The following SLC4A1AP variants were observed in gnomAD, a reference collection of about 807,000 sequenced individuals.
SLC4A1AP encodes the protein kanadaptin.
In SLC4A1AP, 64 loss-of-function variants were observed where a neutral mutation model predicts 89.7. The observed-to-expected ratio is 0.71, with a 90% CI of 0.58 to 0.88. The LOEUF (loss-of-function observed/expected upper bound fraction) is 0.88. SLC4A1AP is among the 40% of genes least tolerant of loss of function. The pLI, the probability that SLC4A1AP is intolerant of heterozygous loss-of-function variation, is 0.00. For synonymous variants in SLC4A1AP, 366 were observed against 353.3 expected, an observed-to-expected ratio of 1.04 and a Z score of -0.40; for missense variants, 931 against 965.0, an observed-to-expected ratio of 0.96 and a Z score of 0.47.
chr2:27,688,885 C>T, intron 12 of SLC4A1AP, 118 bp downstream of exon 12: 1 of 638,176 alleles, frequency 1.6e-6, no homozygotes, highest in East Asian at 3.0e-5. Context: ...TTCCCCTCTC[C>T]TAGAAATCTA....
chr2:27,689,683 C>T (rs1364796060), intron 12 of SLC4A1AP, among the ~76,000 whole-genome samples: 1 of 152,178 alleles, frequency 6.6e-6, no homozygotes, highest in African/African-American at 2.4e-5. Flanking sequence ...TTCAGACTTC[C>T]AGAAGGAAAG....
rs144862933 is a variant in SLC4A1AP, at chr2:27,677,133, A to G, written c.1507-162A>G. The stretch of plus-strand genomic sequence containing the variant: ...TACCCTGGCAACAGAATGAGGCTCT[A>G]TCTCAAAACAAAAAAAAAAGTGTTA... On this transcript the variant is annotated intron_variant, in intron 6 of 13. Coordinates refer to ENST00000613058, the Ensembl canonical transcript of SLC4A1AP. Among the ~76,000 whole-genome samples the G allele has an allele frequency of 5.5e-3, 843 of 152,214 alleles. 4 individuals are homozygous for G. Among genetic ancestry groups the G allele is most frequent in the Admixed American group, 6.8e-3 (104 of 15,286 alleles).
chr2:27,675,843 T>C, intron 6 of SLC4A1AP, 151 bp downstream of exon 6: 2 of 506,746 alleles, frequency 3.9e-6, no homozygotes, highest in Non-Finnish European at 6.4e-6. Context: ...GTTAATTTAA[T>C]GGTAACAGAC....
exon 1 of SLC4A1AP, chr2:27,663,955 A>C: frequency 6.2e-7 from 1 of 1,614,224 alleles, no homozygotes. Context: ...CTGGCGTCGC[A>C]AGACCTCAGT....
chr2:27,668,306 G>A (rs1317517706), intron 3 of SLC4A1AP, among the ~76,000 whole-genome samples: 1 of 151,966 alleles, frequency 6.6e-6, no homozygotes, highest in African/African-American at 2.4e-5. Flanking sequence ...CCGCCACCAC[G>A]CCCGGCTAAT....
In SLC4A1AP at chr2:27,677,860, G is replaced by C. The variant is rs927866076; in HGVS notation, c.1699G>C (p.Glu567Gln). The stretch of plus-strand genomic sequence containing the variant: ...CCTGAGAACTTTTGAACTGAGGAAA[G>C]AACAACAGAGACTTAAAGGGTTAAT... Residue 567 changes from glutamate (E) to glutamine (Q), a missense_variant, in exon 8 of 14, where the codon GAA becomes CAA. Transcript: ENST00000613058. 11 of 1,613,390 alleles carry C rather than the reference G, an allele frequency of 6.8e-6. No homozygotes were observed. Among genetic ancestry groups the C allele is most frequent in the Middle Eastern group, 1.6e-4 (1 of 6,080 alleles).
At chr2:27,677,054 G>A (rs923810574) in intron 6 of SLC4A1AP, among the ~76,000 whole-genome samples, 5 of 151,860 alleles carry the variant, frequency 3.3e-5, no homozygotes, top group Non-Finnish European at 5.9e-5. Context: ...CAGGAGAATC[G>A]CTTGAACCCG....
intron 2 of SLC4A1AP, among the ~76,000 whole-genome samples, chr2:27,666,395 G>A (rs1371930779): frequency 2.2e-5 from 1 of 46,242 alleles, no homozygotes; most frequent in Non-Finnish European, 4.5e-5. Context: ...GCCTCCCAAA[G>A]TGTAGAGATT....
At chr2:27,676,146 A>G (rs1675517698) in intron 6 of SLC4A1AP, among the ~76,000 whole-genome samples, 1 of 152,222 alleles carries the variant, frequency 6.6e-6, no homozygotes, top group Admixed American at 6.5e-5. Flanking sequence ...AACAGACAAT[A>G]ATAGGCAGGT....
chr2:27,668,867 A>T, exon 4 of SLC4A1AP: 1 of 1,614,138 alleles, frequency 6.2e-7, no homozygotes, highest in Non-Finnish European at 8.5e-7. Flanking sequence ...TATGAATTTG[A>T]TGAACAGGGA....
At position 27,685,018 on chromosome 2, in the gene SLC4A1AP, G is replaced by A. The variant is rs376138118; in HGVS notation, c.1876-19G>A. ...TCATTAAGTAGAACTACTTGTTCAT[G>A]GTTTTGTTTCCCTCTTAGAAGTTAC... On this transcript the variant is annotated intron_variant, in intron 9 of 13. Transcript: ENST00000613058. 209 of 1,571,266 alleles carry A rather than the reference G, an allele frequency of 1.3e-4. No individual in the cohort carries two copies. The highest frequency in any genetic ancestry group is 1.7e-4 in the Non-Finnish European group (203 of 1,162,990).
rs201690075 is a variant in SLC4A1AP at position 27,693,778 on chromosome 2, C to G, written c.2341+24C>G. 4,672 of 1,557,398 alleles carry G rather than the reference C, an allele frequency of 3.0e-3. 16 individuals carry two copies. Among genetic ancestry groups the G allele is most frequent in the South Asian group, 9.8e-3 (846 of 86,336 alleles). Reference sequence around the variant, plus strand: ...AGGTAGATTGTTTTTACTTTTTTTTCCTCTAAGGTTCATTTATTTATATTT... The same window carrying G: ...AGGTAGATTGTTTTTACTTTTTTTTGCTCTAAGGTTCATTTATTTATATTT... On this transcript the variant is annotated intron_variant, in intron 13 of 13. Transcript: ENST00000613058.
intron 5 of SLC4A1AP, among the ~76,000 whole-genome samples, chr2:27,670,929 T>C (rs1005192462): frequency 7.2e-6 from 1 of 139,206 alleles, no homozygotes; most frequent in African/African-American, 2.9e-5. Flanking sequence ...TTTCTTTTTT[T>C]TTTTTTTTTT....
chr2:27,668,239 T>G (rs1383812200), intron 3 of SLC4A1AP, among the ~76,000 whole-genome samples: 2 of 151,540 alleles, frequency 1.3e-5, no homozygotes, highest in Non-Finnish European at 2.9e-5. Flanking sequence ...AGCTCCGCCT[T>G]CCGGATTCAC....
rs765513971 is a variant in SLC4A1AP, at chr2:27,677,734, A to G, written c.1577-4A>G. 6.3e-6 allele frequency: 10 copies of G among 1,580,272 alleles called. No homozygotes were observed. The African/African-American group carries it at 9.6e-5, about 15-fold the overall frequency. On this transcript the variant is annotated splice_region_variant and splice_polypyrimidine_tract_variant and intron_variant, in intron 7 of 13. Transcript: ENST00000613058. ...TAAACATGTGTTATTCTTTTCTTGG[A>G]CAGTTCTATCAGAGTCTCCATCTCA...
intron 9 of SLC4A1AP, among the ~76,000 whole-genome samples, chr2:27,684,109 T>C (rs1295284676): frequency 6.6e-6 from 1 of 152,062 alleles, no homozygotes; most frequent in African/African-American, 2.4e-5. Flanking sequence ...CCTTAGAGAA[T>C]TTTAGAACTA....
intron 10 of SLC4A1AP, 90 bp downstream of exon 10, chr2:27,685,367 G>A: frequency 6.7e-7 from 1 of 1,500,306 alleles, no homozygotes; most frequent in Non-Finnish European, 8.9e-7. Flanking sequence ...GTTCTTGTCT[G>A]TGCATTTGAC....
exon 7 of SLC4A1AP, chr2:27,677,362 A>G (rs746980966): frequency 1.2e-6 from 2 of 1,610,752 alleles, no homozygotes; most frequent in South Asian, 1.1e-5. Context: ...GCCTCAAGCC[A>G]AGGTAAGTTT....
At chr2:27,676,829 CA>C (rs150750243) in intron 6 of SLC4A1AP, among the ~76,000 whole-genome samples, 31,101 of 95,978 alleles carry the variant, frequency 0.32, 3,715 homozygotes, top group East Asian at 0.61. Context: ...GACTCCATCT[CA>C]AAAAAAAAAA....
Sources: allele counts gnomAD v4.1 joint callset (sites outside exome capture counted in the v4.1 genomes callset), GRCh38; gene constraint gnomAD v4.1.1; transcripts MANE v1.5; gene names NCBI Gene and HGNC (gene_info 2026-07-23, HGNC 2026-07-21).